The following TMEM131L variants were observed in gnomAD, a reference collection of about 807,000 sequenced individuals.
TMEM131L encodes the protein transmembrane protein 131-like.
Under a neutral mutation model 192.2 loss-of-function variants are expected in TMEM131L, and 54 were observed. That is an observed-to-expected ratio of 0.28 (90% CI 0.23 to 0.35). The LOEUF (loss-of-function observed/expected upper bound fraction) is 0.35. Among genes scored for constraint, TMEM131L ranks in the 10% least tolerant of loss-of-function variants. TMEM131L has a pLI of 1.00. For synonymous variants in TMEM131L, 701 were observed against 704.9 expected, an observed-to-expected ratio of 0.99 and a Z score of 0.09; for missense variants, 1,888 against 1,972.9, an observed-to-expected ratio of 0.96 and a Z score of 0.82.
chr4:153,466,601 A>C (rs1730763494), intron 1 of TMEM131L, 80 bp downstream of exon 1: 1 of 1,199,772 alleles, frequency 8.3e-7, no homozygotes, highest in Non-Finnish European at 1.0e-6. Flanking sequence ...TGAAATCTAT[A>C]AGAGGGCGAG....
chr4:153,545,818 A>T (rs974775020), intron 3 of TMEM131L, among the ~76,000 whole-genome samples: 2 of 152,098 alleles, frequency 1.3e-5, no homozygotes, highest in African/African-American at 4.8e-5. Flanking sequence ...GTGGAACAGG[A>T]TCTGTATCAA....
chr4:153,520,929 C>T (rs1479321793), intron 3 of TMEM131L, among the ~76,000 whole-genome samples: 1 of 152,144 alleles, frequency 6.6e-6, no homozygotes, highest in African/African-American at 2.4e-5. Context: ...TCCTTTACTT[C>T]CTGGAATTTA....
chr4:153,524,819 G>A (rs949095708), intron 3 of TMEM131L, among the ~76,000 whole-genome samples: 1 of 152,170 alleles, frequency 6.6e-6, no homozygotes, highest in African/African-American at 2.4e-5. Flanking sequence ...TTATTTAGAG[G>A]ATTTGTAGCT....
intron 33 of TMEM131L, 85 bp downstream of exon 33, chr4:153,634,365 T>C: frequency 9.0e-7 from 1 of 1,106,866 alleles, no homozygotes; most frequent in Non-Finnish European, 1.4e-6. Context: ...GAAGAATCCT[T>C]TTAACAGCGA....
chr4:153,593,327 A>G (rs28386897), intron 18 of TMEM131L, among the ~76,000 whole-genome samples: 40,796 of 151,738 alleles, frequency 0.27, 5,829 homozygotes, highest in Non-Finnish European at 0.33. Context: ...GGGTGGGAGG[A>G]GCCATCTTGT....
In TMEM131L at chr4:153,551,088, G is replaced by A. The variant is rs189539682; in HGVS notation, c.308+947G>A. The stretch of plus-strand genomic sequence containing the variant: ...AAGCTTCCTGGATGCAGAATATAGC[G>A]CATTGAAAAGAACTTCTAATTAGTA... On this transcript the variant is annotated intron_variant, in intron 4 of 34. Transcript: ENST00000409959. Among the ~76,000 whole-genome samples, 3 of 152,300 alleles carry A rather than the reference G, an allele frequency of 2.0e-5. No individual in the cohort carries two copies. The East Asian group carries it at 5.8e-4, about 29-fold the overall frequency.
intron 3 of TMEM131L, among the ~76,000 whole-genome samples, chr4:153,520,790 A>G (rs1369889604): frequency 6.6e-6 from 1 of 152,232 alleles, no homozygotes; most frequent in Non-Finnish European, 1.5e-5. Context: ...GGAAGTGATT[A>G]ATAATTAACT....
chr4:153,508,512 C>T (rs1014646976), intron 3 of TMEM131L, among the ~76,000 whole-genome samples: 1 of 152,092 alleles, frequency 6.6e-6, no homozygotes, highest in Non-Finnish European at 1.5e-5. Context: ...TGCTGGGTGC[C>T]AGGCAATGTG....
intron 21 of TMEM131L, among the ~76,000 whole-genome samples, chr4:153,599,061 T>C (rs922875988): frequency 6.6e-6 from 1 of 152,186 alleles, no homozygotes; most frequent in Non-Finnish European, 1.5e-5. Flanking sequence ...ACAAGAGTTT[T>C]AATTGGCTCA....
intron 25 of TMEM131L, among the ~76,000 whole-genome samples, chr4:153,605,278 C>T (rs1296305106): frequency 6.6e-6 from 1 of 152,206 alleles, no homozygotes; most frequent in East Asian, 1.9e-4. Context: ...TCCCTTTGGC[C>T]TCTAGCATAA....
chr4:153,490,360 A>G (rs1732680975), intron 3 of TMEM131L, among the ~76,000 whole-genome samples: 1 of 152,210 alleles, frequency 6.6e-6, no homozygotes, highest in African/African-American at 2.4e-5. Flanking sequence ...TACTCTAGTC[A>G]TTAGAGGGCT....
At chr4:153,507,845 C>T (rs1027326659) in intron 3 of TMEM131L, among the ~76,000 whole-genome samples, 56 of 152,076 alleles carry the variant, frequency 3.7e-4, no homozygotes, top group African/African-American at 1.0e-3. Context: ...CTTACCAGAC[C>T]GGTTCTACAG....
At chr4:153,558,226 A>G (rs762823765) in intron 6 of TMEM131L, 32 bp from the exon 7 acceptor site, 49 of 1,209,994 alleles carry the variant, frequency 4.0e-5, no homozygotes, top group Non-Finnish European at 5.7e-5. Context: ...AAAACTCTTA[A>G]CAGAGGAGCA....
chr4:153,547,292 G>A (rs537484551), intron 3 of TMEM131L, among the ~76,000 whole-genome samples: 2 of 152,158 alleles, frequency 1.3e-5, no homozygotes, highest in Non-Finnish European at 2.9e-5. Context: ...CTTTCTAATT[G>A]TGGAATTTAA....
intron 23 of TMEM131L, among the ~76,000 whole-genome samples, 188 bp downstream of exon 23, chr4:153,602,915 AAG>A (rs1159195709): frequency 2.0e-5 from 3 of 152,198 alleles, no homozygotes; most frequent in African/African-American, 7.2e-5. Flanking sequence ...AACTAATCGT[AAG>A]AGAGTCATAG....
intron 7 of TMEM131L, among the ~76,000 whole-genome samples, chr4:153,560,918 G>T (rs1171948598): frequency 6.6e-6 from 1 of 152,058 alleles, no homozygotes; most frequent in African/African-American, 2.4e-5. Flanking sequence ...AATTTTGCTG[G>T]GTCATATGGT....
At chr4:153,567,303 G>T (rs1274491193) in intron 7 of TMEM131L, among the ~76,000 whole-genome samples, 1 of 152,134 alleles carries the variant, frequency 6.6e-6, no homozygotes, top group Non-Finnish European at 1.5e-5. Flanking sequence ...TTAGTTAAAT[G>T]GAATAAACAG....
At chr4:153,572,488 G>A (rs1407689134) in intron 7 of TMEM131L, among the ~76,000 whole-genome samples, 11 of 151,772 alleles carry the variant, frequency 7.2e-5, no homozygotes, top group Admixed American at 2.0e-4. Flanking sequence ...CCATGACCAC[G>A]CCCAGCTAAT....
intron 3 of TMEM131L, among the ~76,000 whole-genome samples, chr4:153,519,535 C>G (rs1284796270): frequency 1.3e-5 from 2 of 152,180 alleles, no homozygotes; most frequent in African/African-American, 4.8e-5. Context: ...TCTTACCTGT[C>G]TGACTCTATT....
Sources: gnomAD v4.1 joint callset for allele counts (sites outside exome capture counted in the v4.1 genomes callset) on GRCh38, gnomAD v4.1.1 for gene constraint, MANE v1.5 for transcripts, NCBI Gene and HGNC (gene_info 2026-07-23, HGNC 2026-07-21) for gene names.